MACF1: variants seen among roughly 807,000 people sequenced by gnomAD.
The protein encoded by MACF1 is microtubule-actin cross-linking factor 1.
MACF1 carries 193 observed loss-of-function variants against 854.8 expected under a neutral mutation model. That is an observed-to-expected ratio of 0.23 (90% confidence interval 0.20 to 0.25). The LOEUF is 0.25. Ranked by LOEUF, MACF1 falls within the 10% of genes least tolerant of loss-of-function variation. The probability of loss-of-function intolerance (pLI) is 1.00; values close to 1 mark genes in which losing one functional copy is unlikely to be tolerated. For missense variants in MACF1, 7,722 were observed against 8,929.1 expected (o/e 0.86, Z 5.45); for synonymous variants, 3,185 against 3,226.7 (o/e 0.99, Z 0.44).
chr1:39,218,182 C>CAAAAAAAAAAAAAAAAAAA, intron 1 of MACF1, among the ~76,000 whole-genome samples: 1 of 84,484 alleles, frequency 1.2e-5, no homozygotes, highest in Non-Finnish European at 2.1e-5. Context: ...GACTCCGTCT[C>CAAAAAAAAAAAAAAAAAAA]AAAAAAAAAA....
At chr1:39,401,108 T>A (rs940217612) in intron 58 of MACF1, among the ~76,000 whole-genome samples, 51 of 152,224 alleles carry the variant, frequency 3.4e-4, no homozygotes, top group African/African-American at 1.2e-3. Context: ...TACACATACA[T>A]ATACATACAT....
Position 39,332,510 on chromosome 1 carries a change from T to G in MACF1, c.5922T>G (p.Asn1974Lys), listed in dbSNP as rs1189818670. 6.2e-7 allele frequency: 1 copy of G among 1,613,980 alleles called. No homozygotes were observed. The highest frequency in any genetic ancestry group is 1.3e-5 in the African/African-American group (1 of 74,936). Reference protein sequence around the residue: ...LFQLMTHSYINVQNGQRLLLL... With the variant: ...LFQLMTHSYIKVQNGQRLLLL... ...AGCTGATGACTCACAGCTATATTAA[T>G]GTGCAAAATGGACAGAGGCTGCTTC... The change falls in exon 37 of 101, where the codon AAT becomes AAG. Residue 1974 changes from asparagine (N) to lysine (K), a missense_variant. By Grantham distance (94) the Asn-to-Lys change is moderately conservative. Transcript: ENST00000564288.
intron 16 of MACF1, among the ~76,000 whole-genome samples, chr1:39,292,387 G>A (rs2148400513): frequency 6.6e-6 from 1 of 152,244 alleles, no homozygotes; most frequent in African/African-American, 2.4e-5. Context: ...GTTGAGCGCT[G>A]GTTTAGAGAA....
At chr1:39,302,110 C>T (rs183949910) in intron 22 of MACF1, among the ~76,000 whole-genome samples, 33 of 152,276 alleles carry the variant, frequency 2.2e-4, no homozygotes, top group African/African-American at 7.9e-4. Flanking sequence ...GACCCTCCCA[C>T]CTCAGCCTCC....
In MACF1 at chr1:39,165,126, T is replaced by C. The variant is rs115865719; in HGVS notation, c.221-66056T>C. 5.0e-3 allele frequency among the ~76,000 whole-genome samples: 760 copies of C among 152,196 alleles called. 5 individuals carry two copies. The highest frequency in any genetic ancestry group is 0.017 in the African/African-American group (726 of 41,528). Reference sequence around the variant, plus strand: ...TGTGTGTAGGGGGCCAATAAGAAAGTCTCTGCAGCAGTTAGGATAGTGGAA... The same window carrying C: ...TGTGTGTAGGGGGCCAATAAGAAAGCCTCTGCAGCAGTTAGGATAGTGGAA... On this transcript the variant is annotated intron_variant, in intron 2 of 93. Transcript: ENST00000361689.
intron 58 of MACF1, among the ~76,000 whole-genome samples, chr1:39,394,618 G>T (rs1042020937): frequency 6.6e-6 from 1 of 151,852 alleles, no homozygotes; most frequent in Non-Finnish European, 1.5e-5. Flanking sequence ...AAGAGACTCC[G>T]TCTCCAAAAA....
At chr1:39,113,458 G>A (rs1642463973) in intron 2 of MACF1, among the ~76,000 whole-genome samples, 1 of 152,120 alleles carries the variant, frequency 6.6e-6, no homozygotes, top group Non-Finnish European at 1.5e-5. Flanking sequence ...AAATCACTAT[G>A]GAAATTTGCC....
rs1312986677 is a variant in MACF1 at position 39,333,590 on chromosome 1, G to A, written c.7002G>A (p.Gly2334=). The change falls in exon 37 of 101, where the codon GGG becomes GGA. Residue 2334 remains glycine, a synonymous_variant. Transcript: ENST00000564288. ...KLMEKLNMFQ[G]FFDSQTCESL... Reference sequence around the variant, plus strand: ...TGGAGAAGCTGAACATGTTTCAGGGGTTCTTTGACTCTCAGACTTGTGAGT... The same window carrying A: ...TGGAGAAGCTGAACATGTTTCAGGGATTCTTTGACTCTCAGACTTGTGAGT... The A allele has an allele frequency of 6.2e-7, 1 of 1,614,086 alleles. No individual in the cohort carries two copies. Among genetic ancestry groups the A allele is most frequent in the African/African-American group, 1.3e-5 (1 of 74,916 alleles).
intron 70 of MACF1, 25 bp downstream of exon 70, chr1:39,435,786 A>T (rs1290555437): frequency 1.2e-6 from 2 of 1,604,890 alleles, no homozygotes; most frequent in Non-Finnish European, 8.5e-7. Flanking sequence ...GACACTCATA[A>T]CCTTGAATTG....
intron 6 of MACF1, chr1:39,269,107 T>C: frequency 1.6e-6 from 2 of 1,289,748 alleles, no homozygotes. Flanking sequence ...TGGGATTCCC[T>C]GGAAGAGGGG....
chr1:39,398,270 C>T (rs1262428673), intron 58 of MACF1, among the ~76,000 whole-genome samples: 1 of 151,962 alleles, frequency 6.6e-6, no homozygotes, highest in African/African-American at 2.4e-5. Flanking sequence ...CCACAAGTAG[C>T]TGGAATTACA....
rs570174907 is a variant in MACF1 at position 39,340,890 on chromosome 1, C to T, written c.10518C>T (p.Asn3506=). The T allele has an allele frequency of 5.6e-6, 9 of 1,613,912 alleles. No individual in the cohort carries two copies. In the South Asian group the frequency reaches 7.7e-5, roughly 14 times the overall value. Residue 3506 remains asparagine, a synonymous_variant, in exon 40 of 101, where the codon AAC becomes AAT. Coordinates refer to ENST00000564288, the MANE Select transcript of MACF1 (RefSeq NM_001394062.1). ...TTGGCAATAAAAATCTTATTCTGAA[C>T]AGCAAGGGATCTAACAGTGAAATAG... The part of the protein sequence containing the change: ...AWVGNKNLIL[N]SKGSNSEIDV...
chr1:39,429,896 C>T lies in MACF1; in HGVS notation c.16958C>T (p.Thr5653Ile), dbSNP rs1388572824. ...IKTRYADITV[T>I]SSKALRTLEQ... ...ACTCGTTACGCAGACATCACAGTTA[C>T]TAGCTCCAAGGCCCTCAGAACTTTA... The change falls in exon 65 of 101, where the codon ACT becomes ATT. Residue 5653 changes from threonine (T) to isoleucine (I), a missense_variant. Thr to Ile is a moderately conservative substitution (Grantham distance 89). Coordinates refer to ENST00000564288, the MANE Select transcript of MACF1 (RefSeq NM_001394062.1). 5.6e-6 allele frequency: 9 copies of T among 1,614,034 alleles called. No individual in the cohort carries two copies. The highest frequency in any genetic ancestry group is 5.1e-6 in the Non-Finnish European group (6 of 1,180,020).
intron 58 of MACF1, 124 bp from the exon 59 acceptor site, chr1:39,422,250 C>G (rs1643569938): frequency 1.4e-6 from 1 of 703,726 alleles, no homozygotes; most frequent in East Asian, 2.7e-5. Flanking sequence ...AATGCTTGTT[C>G]TTTCTTTTTA....
chr1:39,360,004 AAAAAAAAAATATATATATATATATAT>A (rs1327552150), intron 47 of MACF1, among the ~76,000 whole-genome samples: 28 of 72,410 alleles, frequency 3.9e-4, no homozygotes, highest in African/African-American at 1.7e-3. Context: ...AAAAAAAAAA[AAAAAAAAAATATATATATATATATAT>A]ATATATATAT....
In MACF1 at chr1:39,441,277, A is replaced by G; in HGVS notation, c.18624A>G (p.Lys6208=). ...LNKTWKERLE[K]LEDAMQAAVQ... ...AAACATGGAAAGAGAGGCTAGAAAA[A>G]CTTGAGGATGCTATGCAAGCTGCTG... Residue 6208 remains lysine, a synonymous_variant, in exon 74 of 101, where the codon AAA becomes AAG. Coordinates refer to ENST00000564288, the MANE Select transcript of MACF1 (RefSeq NM_001394062.1). 6.2e-7 allele frequency: 1 copy of G among 1,614,132 alleles called. No homozygotes were observed. The highest frequency in any genetic ancestry group is 8.5e-7 in the Non-Finnish European group (1 of 1,180,014).
At chr1:39,447,988 G>C (rs377013478) in intron 82 of MACF1, 45 bp from the exon 83 acceptor site, 198 of 1,612,876 alleles carry the variant, frequency 1.2e-4, no homozygotes, top group Non-Finnish European at 1.6e-4. Context: ...GTGCTGTATA[G>C]TGTGTATATT....
chr1:39,130,059 A>AT lies in MACF1; in HGVS notation c.220+45631dup, dbSNP rs904153042. Reference sequence around the variant, plus strand: ...TTTGTTAATAGAAAGGCCCCACTCCATTTTTTTTTTCTCTGAGTATTTTGG... The same window carrying AT: ...TTTGTTAATAGAAAGGCCCCACTCCATTTTTTTTTTTCTCTGAGTATTTTGG... On this transcript the variant is annotated intron_variant, in intron 2 of 93. Coordinates refer to the MACF1 transcript ENST00000361689. Among the ~76,000 whole-genome samples the AT allele has an allele frequency of 2.0e-4, 29 of 146,934 alleles. No individual in the cohort carries two copies. In the Middle Eastern group the frequency reaches 0.014, roughly 70 times the overall value.
At chr1:39,238,570 G>A (rs992599393) in intron 2 of MACF1, among the ~76,000 whole-genome samples, 2 of 152,180 alleles carry the variant, frequency 1.3e-5, no homozygotes, top group African/African-American at 4.8e-5. Context: ...CCTGAACTTT[G>A]TAGTTGAATT....
Sources: gnomAD v4.1 joint callset for allele counts (sites outside exome capture counted in the v4.1 genomes callset) on GRCh38, gnomAD v4.1.1 for gene constraint, MANE v1.5 for transcripts, NCBI Gene and HGNC (gene_info 2026-07-23, HGNC 2026-07-21) for gene names.